EHMT2: variants seen among roughly 807,000 people sequenced by gnomAD.
EHMT2 encodes histone-lysine N-methyltransferase EHMT2.
Under a neutral mutation model 143.3 loss-of-function variants are expected in EHMT2, and 59 were observed. That is an observed-to-expected ratio of 0.41 (90% CI 0.33 to 0.51). EHMT2 has a LOEUF of 0.51. Ranked by LOEUF, EHMT2 falls within the 20% of genes least tolerant of loss-of-function variation. The pLI is 0.18. For missense variants in EHMT2, 1,174 were observed against 1,645.9 expected, an observed-to-expected ratio of 0.71 and a Z score of 4.96; for synonymous variants, 604 against 651.5, an observed-to-expected ratio of 0.93 and a Z score of 1.11.
Position 31,884,758 on chromosome 6 carries a change from G to A in EHMT2, c.2490C>T (p.Ser830=), listed in dbSNP as rs879114625. 1.1e-5 allele frequency: 18 copies of A among 1,601,206 alleles called. 1 individual carries two copies. Among genetic ancestry groups the A allele is most frequent in the East Asian group, 2.2e-5 (1 of 44,638 alleles). Residue 830 remains serine, a synonymous_variant, in exon 20 of 28, where the codon AGC becomes AGT. Coordinates refer to ENST00000375537, the Ensembl canonical transcript of EHMT2. The surrounding 1 kb of genome is among the most constrained non-coding windows in gnomAD (Gnocchi z 7.3). ...TCAGAAGGACTTCGGCGATGGCGGC[G>A]CTGCCCGTGAAGGAGGCCCAGTGCA...
At position 31,897,319 on chromosome 6, in the gene EHMT2, G is replaced by A. The variant is rs1465945079; in HGVS notation, c.42+317C>T. Reference sequence around the variant, plus strand: ...TTGTCCCCCAGGCCGCGGGGACCCCGGGCACCAACCCCTCCAGCACCCGCT... The same window carrying A: ...TTGTCCCCCAGGCCGCGGGGACCCCAGGCACCAACCCCTCCAGCACCCGCT... On this transcript the variant is annotated intron_variant, in intron 1 of 27. Coordinates refer to ENST00000375537, the Ensembl canonical transcript of EHMT2. 4 of 474,466 alleles carry A rather than the reference G, an allele frequency of 8.4e-6. No individual in the cohort carries two copies. The African/African-American group carries it at 1.2e-4, about 14-fold the overall frequency. The allele number at this position is 474,466 out of a possible 1,614,324, so 29.4% of individuals were successfully genotyped here. A position where few individuals can be genotyped will look rare whatever the true frequency, so the allele number is the denominator to read the frequency against.
intron 15 of EHMT2, 22 bp downstream of exon 15, chr6:31,887,555 T>C: frequency 6.2e-7 from 1 of 1,611,476 alleles, no homozygotes; most frequent in Non-Finnish European, 8.5e-7. Context: ...CAAGGTCTGC[T>C]GAAGGAATGG....
rs184666367 is a variant in EHMT2, at chr6:31,895,835, C to T, written c.582+428G>A. 28 of 168,948 alleles carry T rather than the reference C, an allele frequency of 1.7e-4. 4 individuals carry two copies. The highest frequency in any genetic ancestry group is 5.5e-4 in the African/African-American group (23 of 42,166). 10.5% of individuals were successfully genotyped at this position (168,948 alleles called of 1,614,324 possible). A position where few individuals can be genotyped will look rare whatever the true frequency, so the allele number is the denominator to read the frequency against. On this transcript the variant is annotated intron_variant, in intron 4 of 27. Transcript: ENST00000375537. ...AGAACCCTAGAACTTGGTCATAAAGCTTCTGGTGCCCTTGTCACTTCCCTC... is the reference window on the plus strand; with the variant it reads ...AGAACCCTAGAACTTGGTCATAAAGTTTCTGGTGCCCTTGTCACTTCCCTC...
exon 4 of EHMT2, chr6:31,896,385 T>C: frequency 6.2e-7 from 1 of 1,612,996 alleles, no homozygotes; most frequent in South Asian, 1.1e-5. Context: ...GCTCCTGGCA[T>C]ACTCAGTAGC....
At chr6:31,895,327 A>T (rs1468404861) in intron 4 of EHMT2, 2 of 152,252 alleles carry the variant, frequency 1.3e-5, no homozygotes, top group African/African-American at 4.8e-5. Context: ...TAAACAATTT[A>T]GGAACTGCCT....
chr6:31,889,161 G>A lies in EHMT2; in HGVS notation c.1114+67C>T. Reference sequence around the variant, plus strand: ...GGTGGACATGCGAGAGCGTGTGTGTGCGTGCACACACTCTGGGGGGCCGGG... The same window carrying A: ...GGTGGACATGCGAGAGCGTGTGTGTACGTGCACACACTCTGGGGGGCCGGG... On this transcript the variant is annotated intron_variant, in intron 9 of 27. Transcript: ENST00000375537. This position sits in a 1 kb window ranked among gnomAD's most constrained non-coding sequence, Gnocchi z 5.1. 2 of 1,546,602 alleles carry A rather than the reference G, an allele frequency of 1.3e-6. No homozygotes were observed. Among genetic ancestry groups the A allele is most frequent in the Non-Finnish European group, 1.8e-6 (2 of 1,138,204 alleles).
At position 31,884,841 on chromosome 6, in the gene EHMT2, G is replaced by A. The variant is rs772717065; in HGVS notation, c.2449-42C>T. ...GGAACAGATGAGGTGCAGGCAGCTGGGCCCTTGAATCCAGCCTCCACCTTG... is the reference window on the plus strand; with the variant it reads ...GGAACAGATGAGGTGCAGGCAGCTGAGCCCTTGAATCCAGCCTCCACCTTG... On this transcript the variant is annotated intron_variant, in intron 19 of 27. Transcript: ENST00000375537. The surrounding 1 kb of genome is among the most constrained non-coding windows in gnomAD (Gnocchi z 7.3). 1.1e-5 allele frequency: 18 copies of A among 1,578,996 alleles called. No homozygotes were observed. Among genetic ancestry groups the A allele is most frequent in the Non-Finnish European group, 1.6e-5 (18 of 1,156,824 alleles).
rs559104132 is a variant in EHMT2, at chr6:31,880,908, A to G, written c.3277-60T>C. On this transcript the variant is annotated intron_variant, in intron 26 of 27. Transcript: ENST00000375537. This position sits in a 1 kb window ranked among gnomAD's most constrained non-coding sequence, Gnocchi z 6.6. ...CCGACCCTGCTTGCCCTCCCCACCCACTGACTCCCCAGTCCCTCCTCCCCA... is the reference window on the plus strand; with the variant it reads ...CCGACCCTGCTTGCCCTCCCCACCCGCTGACTCCCCAGTCCCTCCTCCCCA... 9 of 1,607,346 alleles carry G rather than the reference A, an allele frequency of 5.6e-6. No homozygotes were observed. The East Asian group carries it at 8.9e-5, about 16-fold the overall frequency.
In EHMT2 at chr6:31,883,143, C is replaced by G. The variant is rs1442149486; in HGVS notation, c.2995-134G>C. On this transcript the variant is annotated intron_variant, in intron 23 of 27. Transcript: ENST00000375537. This position sits in a 1 kb window ranked among gnomAD's most constrained non-coding sequence, Gnocchi z 5.6. The stretch of plus-strand genomic sequence containing the variant: ...ACACAGGCTCTGAGATCCGAGAGCA[C>G]GAAATGCAGGAGCATCATCCCTGGT... 1.1e-6 allele frequency: 1 copy of G among 886,238 alleles called. No individual in the cohort carries two copies. The highest frequency in any genetic ancestry group is 2.6e-5 in the East Asian group (1 of 37,934). The allele number at this position is 886,238 out of a possible 1,614,324, so 54.9% of individuals were successfully genotyped here.
rs1228048224 is a variant in EHMT2, at chr6:31,888,856, C to T, written c.1217-109G>A. Reference sequence around the variant, plus strand: ...ACCCCACCCCGCCATGCCCCAGAACCCCTAAAGCCTGGCCATGGACACCCC... The same window carrying T: ...ACCCCACCCCGCCATGCCCCAGAACTCCTAAAGCCTGGCCATGGACACCCC... On this transcript the variant is annotated intron_variant, in intron 10 of 27. Coordinates refer to ENST00000375537, the Ensembl canonical transcript of EHMT2. This position sits in a 1 kb window ranked among gnomAD's most constrained non-coding sequence, Gnocchi z 7.4. 2 of 1,517,420 alleles carry T rather than the reference C, an allele frequency of 1.3e-6. No individual in the cohort carries two copies. Among genetic ancestry groups the T allele is most frequent in the Admixed American group, 2.0e-5 (1 of 50,912 alleles). 94.0% of individuals were successfully genotyped at this position (1,517,420 alleles called of 1,614,324 possible). A position where few individuals can be genotyped will look rare whatever the true frequency, so the allele number is the denominator to read the frequency against.
Position 31,892,809 on chromosome 6 carries a change from T to G in EHMT2, c.667+17A>C. The G allele has an allele frequency of 6.2e-7, 1 of 1,610,656 alleles. No individual in the cohort carries two copies. Among genetic ancestry groups the G allele is most frequent in the Non-Finnish European group, 8.5e-7 (1 of 1,178,704 alleles). On this transcript the variant is annotated intron_variant, in intron 5 of 27. Transcript: ENST00000375537. ...ACAGACCACATCAAGCCACCGGGGGTGGGGGATGGGACTGACCTGAGGTCA... is the reference window on the plus strand; with the variant it reads ...ACAGACCACATCAAGCCACCGGGGGGGGGGGATGGGACTGACCTGAGGTCA...
intron 4 of EHMT2, among the ~76,000 whole-genome samples, chr6:31,895,231 C>G (rs188955529): frequency 1.1e-4 from 16 of 152,282 alleles, no homozygotes; most frequent in Admixed American, 4.6e-4. Flanking sequence ...GGTGCTGCTT[C>G]ACCCATTATC....
intron 7 of EHMT2, 39 bp downstream of exon 7, chr6:31,892,368 G>A: frequency 6.2e-7 from 1 of 1,603,808 alleles, no homozygotes; most frequent in Non-Finnish European, 8.5e-7. Flanking sequence ...CCAGCCCTGG[G>A]GGAGCACCGG....
intron 4 of EHMT2, among the ~76,000 whole-genome samples, chr6:31,894,331 G>A (rs1336649957): frequency 6.6e-6 from 1 of 152,162 alleles, no homozygotes; most frequent in Non-Finnish European, 1.5e-5. Flanking sequence ...ATTTTTAATA[G>A]AGATGGGGTT....
chr6:31,892,633 C>T, intron 6 of EHMT2, 61 bp downstream of exon 6: 4 of 1,612,178 alleles, frequency 2.5e-6, no homozygotes, highest in South Asian at 1.1e-5. Flanking sequence ...GATGCAGCCC[C>T]ACCTCTGACC....
At chr6:31,882,562 CAG>C in intron 25 of EHMT2, 135 bp downstream of exon 25, 1 of 858,704 alleles carries the variant, frequency 1.2e-6, no homozygotes, top group South Asian at 1.6e-5. Flanking sequence ...GAATAGGGGT[CAG>C]AGGAGGCTGG....
At chr6:31,897,158 C>A (rs765667170) in intron 1 of EHMT2, 169 bp from the exon 2 acceptor site, 6 of 1,346,710 alleles carry the variant, frequency 4.5e-6, no homozygotes, top group Non-Finnish European at 4.8e-6. Context: ...CACGACCCCT[C>A]CCCCGGGCCC....
upstream of EHMT2, chr6:31,897,697 C>A (rs771142488): frequency 9.4e-7 from 1 of 1,060,902 alleles, no homozygotes; most frequent in Non-Finnish European, 1.2e-6. Context: ...CGCTGGGGGC[C>A]GAGCCGGCGC....
chr6:31,896,191 C>G, intron 4 of EHMT2, 72 bp downstream of exon 4: 2 of 1,534,086 alleles, frequency 1.3e-6, no homozygotes, highest in East Asian at 2.3e-5. Flanking sequence ...GGAGTAGAAG[C>G]CTTAAGTGAA....
Sources: gnomAD v4.1 joint callset for allele counts (sites outside exome capture counted in the v4.1 genomes callset) on GRCh38, gnomAD v4.1.1 for gene constraint, Gnocchi (gnomAD v3.1) non-coding constraint, MANE v1.5 for transcripts, NCBI Gene and HGNC (gene_info 2026-07-23, HGNC 2026-07-21) for gene names.